Variants in HSD17B4 observed in about 807,000 individuals in gnomAD.
HSD17B4 encodes the protein hydroxysteroid 17-beta dehydrogenase 4.
HSD17B4 carries 70 observed loss-of-function variants against 101.0 expected under a neutral mutation model. The ratio of observed to expected loss-of-function variants is 0.69; its 90% CI spans 0.57 to 0.85. HSD17B4 has a LOEUF of 0.85. Among genes scored for constraint, HSD17B4 ranks in the 40% least tolerant of loss-of-function variants. The pLI is 0.00. For synonymous variants in HSD17B4, 347 were observed against 297.1 expected, an observed-to-expected ratio of 1.17 and a Z score of -1.73; for missense variants, 984 against 892.4, an observed-to-expected ratio of 1.10 and a Z score of -1.31.
chr5:119,481,562 A>G (rs10041122), intron 8 of HSD17B4, among the ~76,000 whole-genome samples: 1,897 of 152,292 alleles, frequency 0.012, 16 homozygotes, highest in African/African-American at 0.023. Context: ...CAGTGCATGT[A>G]AAAGTTATAT....
At chr5:119,529,275 G>T (rs1463593518) in intron 20 of HSD17B4, among the ~76,000 whole-genome samples, 1 of 152,108 alleles carries the variant, frequency 6.6e-6, no homozygotes, top group Non-Finnish European at 1.5e-5. Context: ...GAAGGACTGG[G>T]AATTAGAATT....
intron 23 of HSD17B4, among the ~76,000 whole-genome samples, chr5:119,538,949 G>C (rs1000341121): frequency 1.3e-4 from 20 of 152,136 alleles, no homozygotes; most frequent in Admixed American, 1.2e-3. Flanking sequence ...CAGATATTCA[G>C]CCTAGCCTAG....
In HSD17B4 at chr5:119,492,000, C is replaced by T. The variant is rs1750152062; in HGVS notation, c.715-100C>T. On this transcript the variant is annotated intron_variant, in intron 9 of 23. Transcript: ENST00000510025. ...TTTTCATCTCCTGTTGCCTTGAATT[C>T]TAATACTGCTAGTAGAGGAGCTGAC... 4 of 895,180 alleles carry T rather than the reference C, an allele frequency of 4.5e-6. No individual in the cohort carries two copies. In the Admixed American group the frequency reaches 6.8e-5, roughly 15 times the overall value. The allele number at this position is 895,180 out of a possible 1,614,324, so 55.5% of individuals were successfully genotyped here.
chr5:119,510,599 A>C (rs955646792), intron 16 of HSD17B4, among the ~76,000 whole-genome samples: 2 of 152,242 alleles, frequency 1.3e-5, no homozygotes, highest in African/African-American at 4.8e-5. Flanking sequence ...CTTGTAAAAA[A>C]TTATTTTAAA....
At chr5:119,492,516 T>C (rs866159780) in intron 10 of HSD17B4, 1 of 196,706 alleles carries the variant, frequency 5.1e-6, no homozygotes, top group South Asian at 1.1e-4. Context: ...GGGTTGAGCC[T>C]ATTCTAGAGC....
intron 17 of HSD17B4, among the ~76,000 whole-genome samples, chr5:119,517,403 C>T (rs532452402): frequency 6.6e-6 from 1 of 152,310 alleles, no homozygotes; most frequent in South Asian, 2.1e-4. Context: ...TCCATGGGCT[C>T]CTGTGCAGCT....
intron 22 of HSD17B4, among the ~76,000 whole-genome samples, chr5:119,532,205 A>G (rs1478027777): frequency 1.3e-5 from 2 of 152,124 alleles, no homozygotes; most frequent in African/African-American, 2.4e-5. Flanking sequence ...ATGAAAATGG[A>G]TAGGAGGTAG....
chr5:119,454,912 ACTC>A (rs1754450168), intron 1 of HSD17B4, among the ~76,000 whole-genome samples: 1 of 151,108 alleles, frequency 6.6e-6, no homozygotes, highest in Admixed American at 6.6e-5. Flanking sequence ...GTGTGTCACT[ACTC>A]CTGGCCTTGG....
At chr5:119,452,973 A>G (rs1330423634) in intron 1 of HSD17B4, among the ~76,000 whole-genome samples, 1 of 152,014 alleles carries the variant, frequency 6.6e-6, no homozygotes, top group Non-Finnish European at 1.5e-5. Context: ...CCTGCAATTA[A>G]CTCTCTTAGA....
intron 2 of HSD17B4, among the ~76,000 whole-genome samples, chr5:119,465,827 C>A (rs533108354): frequency 2.8e-4 from 42 of 152,256 alleles, no homozygotes; most frequent in South Asian, 1.9e-3. Context: ...CTTTCTCTTG[C>A]CTAATTGTCC....
chr5:119,499,593 C>T, intron 13 of HSD17B4, 40 bp downstream of exon 13: 1 of 1,124,956 alleles, frequency 8.9e-7, no homozygotes, highest in South Asian at 1.2e-5. Flanking sequence ...TTTTCTATTT[C>T]TGTAAATATT....
intron 4 of HSD17B4, among the ~76,000 whole-genome samples, chr5:119,474,804 T>G (rs1439167341): frequency 1.3e-5 from 2 of 152,216 alleles, no homozygotes; most frequent in Admixed American, 6.5e-5. Context: ...CAGTGGATTC[T>G]TTTGGATAAT....
intron 20 of HSD17B4, among the ~76,000 whole-genome samples, chr5:119,527,783 G>A (rs1753735512): frequency 6.6e-6 from 1 of 152,090 alleles, no homozygotes; most frequent in African/African-American, 2.4e-5. Context: ...TCCTTTATGA[G>A]TTTTCTCTGG....
intron 17 of HSD17B4, among the ~76,000 whole-genome samples, chr5:119,523,639 A>C (rs1753311438): frequency 6.6e-6 from 1 of 152,290 alleles, no homozygotes; most frequent in Non-Finnish European, 1.5e-5. Context: ...TCTTCAGAAC[A>C]CTGTATTCAT....
At chr5:119,462,295 C>G (rs1380422003) in intron 2 of HSD17B4, among the ~76,000 whole-genome samples, 1 of 48,440 alleles carries the variant, frequency 2.1e-5, no homozygotes, top group Non-Finnish European at 4.5e-5. Context: ...CTTAGTGGAA[C>G]TAATGATCTT....
chr5:119,461,537 A>G (rs1435653345), intron 2 of HSD17B4, among the ~76,000 whole-genome samples: 1 of 152,102 alleles, frequency 6.6e-6, no homozygotes, highest in Non-Finnish European at 1.5e-5. Flanking sequence ...TTAGTTATCT[A>G]TTTACCTACT....
chr5:119,459,903 C>T (rs1443978664), intron 2 of HSD17B4, among the ~76,000 whole-genome samples: 2 of 147,880 alleles, frequency 1.4e-5, no homozygotes, highest in African/African-American at 5.0e-5. Flanking sequence ...GGGAGTCTCC[C>T]TCTTTTGCCC....
At chr5:119,469,658 T>G (rs1425377497) in intron 2 of HSD17B4, among the ~76,000 whole-genome samples, 3 of 152,240 alleles carry the variant, frequency 2.0e-5, no homozygotes, top group Non-Finnish European at 2.9e-5. Context: ...CCTGGCCTGT[T>G]TTTCCATGTT....
chr5:119,452,980 T>A (rs1348869996), intron 1 of HSD17B4, among the ~76,000 whole-genome samples: 1 of 152,238 alleles, frequency 6.6e-6, no homozygotes, highest in African/African-American at 2.4e-5. Flanking sequence ...TTAACTCTCT[T>A]AGATCTTTGC....
Sources: allele counts gnomAD v4.1 joint callset (sites outside exome capture counted in the v4.1 genomes callset), GRCh38; gene constraint gnomAD v4.1.1; transcripts MANE v1.5; gene names NCBI Gene and HGNC (gene_info 2026-07-23, HGNC 2026-07-21).